SEPTIN7: variants seen among roughly 807,000 people sequenced by gnomAD.
SEPTIN7 encodes septin 7, also known as septin-7.
SEPTIN7 carries 10 observed loss-of-function variants against 63.3 expected under a neutral mutation model. The ratio of observed to expected loss-of-function variants is 0.16; its 90% CI spans 0.10 to 0.27. The LOEUF is 0.27. SEPTIN7 is among the 10% of genes least tolerant of loss of function. The pLI, the probability that SEPTIN7 is intolerant of heterozygous loss-of-function variation, is 1.00. For synonymous variants in SEPTIN7, 131 were observed against 165.3 expected (o/e 0.79, Z 1.59); for missense variants, 310 against 521.0 (o/e 0.59, Z 3.94).
chr7:35,896,425 A>G (rs1787964093), intron 11 of SEPTIN7, among the ~76,000 whole-genome samples: 2 of 152,142 alleles, frequency 1.3e-5, no homozygotes, highest in South Asian at 4.1e-4. Flanking sequence ...GACAGTGGGA[A>G]TTATAGACTC....
chr7:35,847,804 T>G (rs995365718), intron 3 of SEPTIN7: 6 of 152,170 alleles, frequency 3.9e-5, no homozygotes, highest in Non-Finnish European at 8.8e-5. Context: ...TCATCCCTGG[T>G]CCTTAGGGGA....
intron 1 of SEPTIN7, among the ~76,000 whole-genome samples, chr7:35,802,887 A>T (rs1445370151): frequency 1.3e-5 from 2 of 152,188 alleles, no homozygotes; most frequent in Admixed American, 1.3e-4. Context: ...GGGTGGGACT[A>T]AAGGAGATAA....
chr7:35,848,415 C>G (rs1193058524), intron 3 of SEPTIN7, among the ~76,000 whole-genome samples: 1 of 152,004 alleles, frequency 6.6e-6, no homozygotes, highest in African/African-American at 2.4e-5. Context: ...CCACAGGCGC[C>G]CACCACCATG....
chr7:35,856,308 G>A (rs971072672), intron 3 of SEPTIN7, among the ~76,000 whole-genome samples: 2 of 152,142 alleles, frequency 1.3e-5, no homozygotes, highest in African/African-American at 4.8e-5. Flanking sequence ...TGGTTTGGGA[G>A]CTGATTTCTT....
intron 3 of SEPTIN7, chr7:35,846,718 T>G (rs147324711): frequency 5.8e-4 from 91 of 156,852 alleles, no homozygotes; most frequent in African/African-American, 2.0e-3. Context: ...AGGTAGAGCA[T>G]TCCTTCCAAT....
chr7:35,867,982 C>T (rs1250760842), intron 4 of SEPTIN7, among the ~76,000 whole-genome samples: 3 of 151,830 alleles, frequency 2.0e-5, no homozygotes, highest in South Asian at 2.1e-4. Flanking sequence ...AAGCAATTCT[C>T]CTGCCTTAGC....
intron 3 of SEPTIN7, among the ~76,000 whole-genome samples, chr7:35,851,777 A>G (rs375565121): frequency 6.6e-6 from 1 of 152,188 alleles, no homozygotes; most frequent in Non-Finnish European, 1.5e-5. Context: ...CAAGGCTGCT[A>G]TATTTTGTCT....
In SEPTIN7 at chr7:35,885,894, T is replaced by G. The variant is rs772586505; in HGVS notation, c.872+15T>G. The stretch of plus-strand genomic sequence containing the variant: ...ATGTTGATAAGGTAAGTGCAAGCAA[T>G]GATGGAAATAGCATAAGATTTTCTT... On this transcript the variant is annotated intron_variant, in intron 10 of 13. Transcript: ENST00000350320. 4 of 1,554,420 alleles carry G rather than the reference T, an allele frequency of 2.6e-6. No homozygotes were observed. The highest frequency in any genetic ancestry group is 3.5e-6 in the Non-Finnish European group (4 of 1,129,874).
intron 12 of SEPTIN7, chr7:35,899,381 A>C (rs1156713468): frequency 6.6e-6 from 1 of 152,136 alleles, no homozygotes. Flanking sequence ...TTAAAAATAC[A>C]AAAATTAGCT....
Position 35,904,995 on chromosome 7 carries a change from T to TA in SEPTIN7, c.*706dup. 6.5e-6 allele frequency: 1 copy of TA among 152,768 alleles called. No homozygotes were observed. The highest frequency in any genetic ancestry group is 1.5e-5 in the Non-Finnish European group (1 of 68,024). 9.5% of individuals were successfully genotyped at this position (152,768 alleles called of 1,614,324 possible). A position where few individuals can be genotyped will look rare whatever the true frequency, so the allele number is the denominator to read the frequency against. ...GATATTTTCCATATATTGGCACTGC[T>TA]AAAATAGAATATAGCATCTTTCATA... On this transcript the variant is annotated 3_prime_UTR_variant, in exon 14 of 14. Coordinates refer to ENST00000350320, the MANE Select transcript of SEPTIN7 (RefSeq NM_001788.6).
chr7:35,801,010 GC>G, upstream of SEPTIN7: 1 of 452,720 alleles, frequency 2.2e-6, no homozygotes, highest in Non-Finnish European at 3.9e-6. Context: ...CCTCCGCTAG[GC>G]CCGGAAGCCT....
chr7:35,882,624 A>G (rs1484136417), intron 8 of SEPTIN7, 48 bp downstream of exon 8: 7 of 1,296,186 alleles, frequency 5.4e-6, no homozygotes, highest in Non-Finnish European at 4.9e-6. Flanking sequence ...GGCCTTAAAA[A>G]CATACTACAG....
chr7:35,900,032 G>A (rs770794046), intron 12 of SEPTIN7: 2 of 152,076 alleles, frequency 1.3e-5, no homozygotes, highest in Non-Finnish European at 1.5e-5. Context: ...CAGATCTCTC[G>A]TTATATTCTT....
In SEPTIN7 at chr7:35,838,425, A is replaced by G. The variant is rs560395559; in HGVS notation, c.169+5525A>G. 183 of 136,574 alleles carry G rather than the reference A, an allele frequency of 1.3e-3. 1 individual carries two copies. The highest frequency in any genetic ancestry group is 4.7e-3 in the African/African-American group (172 of 36,444). The allele number at this position is 136,574 out of a possible 1,614,324, so 8.5% of individuals were successfully genotyped here. On this transcript the variant is annotated intron_variant, in intron 3 of 13. Coordinates refer to ENST00000350320, the MANE Select transcript of SEPTIN7 (RefSeq NM_001788.6). ...TGCTTTGTCACCCAGGCTGGAGTGT[A>G]GTGTCACACTCTTGGCTCACTGCAG...
At position 35,884,386 on chromosome 7, in the gene SEPTIN7, A is replaced by C. The variant is rs190104292; in HGVS notation, c.820+399A>C. On this transcript the variant is annotated intron_variant, in intron 9 of 13. Coordinates refer to ENST00000350320, the MANE Select transcript of SEPTIN7 (RefSeq NM_001788.6). Reference sequence around the variant, plus strand: ...GTAAGTATAGCACAGATATTCCAAAATTCCAAAAAAATTCAAAACACTTCT... The same window carrying C: ...GTAAGTATAGCACAGATATTCCAAACTTCCAAAAAAATTCAAAACACTTCT... Among the ~76,000 whole-genome samples, 88 of 152,346 alleles carry C rather than the reference A, an allele frequency of 5.8e-4. 1 individual carries two copies. The highest frequency in any genetic ancestry group is 1.9e-3 in the African/African-American group (80 of 41,586).
chr7:35,806,999 C>G (rs1788387082), intron 1 of SEPTIN7, among the ~76,000 whole-genome samples: 1 of 152,094 alleles, frequency 6.6e-6, no homozygotes, highest in Non-Finnish European at 1.5e-5. Flanking sequence ...TTTTGCTGTG[C>G]TTTATAAAAT....
Position 35,906,362 on chromosome 7 carries a change from G to A in SEPTIN7, c.*2069G>A, listed in dbSNP as rs768935627. ...TAGGACTTTTGATTGTTGACTCCAG[G>A]CTTAGGTATATCAGAAGGTTCTTTT... On this transcript the variant is annotated 3_prime_UTR_variant, in exon 14 of 14. Transcript: ENST00000350320. 1 of 152,152 alleles carries A rather than the reference G, an allele frequency of 6.6e-6. No individual in the cohort carries two copies. The highest frequency in any genetic ancestry group is 1.5e-5 in the Non-Finnish European group (1 of 68,032). The allele number at this position is 152,152 out of a possible 1,614,324, so 9.4% of individuals were successfully genotyped here. A position where few individuals can be genotyped will look rare whatever the true frequency, so the allele number is the denominator to read the frequency against.
At chr7:35,839,781 C>T (rs941498841) in intron 3 of SEPTIN7, among the ~76,000 whole-genome samples, 4 of 152,240 alleles carry the variant, frequency 2.6e-5, no homozygotes, top group Middle Eastern at 3.4e-3. Context: ...TCTTGAACTC[C>T]TGACCTTGTG....
intron 3 of SEPTIN7, among the ~76,000 whole-genome samples, chr7:35,842,261 A>T (rs934441666): frequency 6.6e-6 from 1 of 152,020 alleles, no homozygotes; most frequent in African/African-American, 2.4e-5. Context: ...TATTTTAAAG[A>T]TTGGAAAGGT....
Sources: gnomAD v4.1 joint callset for allele counts (sites outside exome capture counted in the v4.1 genomes callset) on GRCh38, gnomAD v4.1.1 for gene constraint, MANE v1.5 for transcripts, NCBI Gene and HGNC (gene_info 2026-07-23, HGNC 2026-07-21) for gene names.